The following IKZF4 variants were observed in gnomAD, a reference collection of about 807,000 sequenced individuals.
IKZF4 encodes the protein zinc finger protein Eos.
Under a neutral mutation model 47.7 loss-of-function variants are expected in IKZF4, and 11 were observed. That is an observed-to-expected ratio of 0.23 (90% CI 0.15 to 0.38). IKZF4 has a LOEUF of 0.38. IKZF4 is among the 10% of genes least tolerant of loss of function. The pLI is 1.00. For synonymous variants in IKZF4, 298 were observed against 299.4 expected (o/e 1.00, Z 0.05); for missense variants, 557 against 784.9 (o/e 0.71, Z 3.47).
At chr12:56,027,737 T>A (rs775249910) in intron 4 of IKZF4, 43 bp from the exon 5 acceptor site, 1 of 1,594,480 alleles carries the variant, frequency 6.3e-7, no homozygotes, top group Non-Finnish European at 8.6e-7. Context: ...ACCTTCAAAG[T>A]TCCTCACATG....
Position 56,032,583 on chromosome 12 carries a change from G to A in IKZF4, c.738G>A (p.Lys246=). 1.9e-6 allele frequency: 3 copies of A among 1,613,590 alleles called. No homozygotes were observed. The highest frequency in any genetic ancestry group is 1.7e-6 in the Non-Finnish European group (2 of 1,179,696). ...CAGTCTCCTCTCCCACAGTGGGCAA[G>A]CCCTACAAGTGTAACTACTGTGGCC... is the stretch of plus-strand genomic sequence containing the variant. ...THSVSSPTVG[K]PYKCNYCGRS... The change falls in exon 6 of 8, where the codon AAG becomes AAA. Residue 246 remains lysine, a synonymous_variant. Transcript: ENST00000547167.
intron 1 of IKZF4, chr12:56,010,338 T>A (rs951988850): frequency 2.6e-5 from 4 of 152,204 alleles, no homozygotes; most frequent in Non-Finnish European, 1.5e-5. Context: ...AGTGCTGATA[T>A]GAATGACCTG....
chr12:56,030,670 A>G (rs1416852495), intron 5 of IKZF4, among the ~76,000 whole-genome samples: 1 of 152,064 alleles, frequency 6.6e-6, no homozygotes, highest in Admixed American at 6.5e-5. Context: ...CAGAGGTTGC[A>G]GTAAGCCAAG....
intron 1 of IKZF4, among the ~76,000 whole-genome samples, chr12:56,022,956 T>G (rs943671736): frequency 6.6e-6 from 1 of 152,010 alleles, no homozygotes; most frequent in East Asian, 1.9e-4. Context: ...CCCGCTACCA[T>G]GCCCGGATAA....
intron 1 of IKZF4, among the ~76,000 whole-genome samples, chr12:56,023,000 C>T (rs1239474503): frequency 3.9e-5 from 6 of 152,124 alleles, no homozygotes; most frequent in Admixed American, 1.3e-4. Context: ...GGGGTTTCAC[C>T]GTGTTAGCCA....
intron 2 of IKZF4, among the ~76,000 whole-genome samples, chr12:56,012,552 C>T (rs1891466667): frequency 1.3e-5 from 2 of 151,760 alleles, no homozygotes; most frequent in Admixed American, 1.3e-4. Context: ...GGATTACAGG[C>T]GTGAGCCACC....
At chr12:56,020,177 C>G (rs1466268383), upstream of IKZF4, among the ~76,000 whole-genome samples, 4 of 152,224 alleles carry the variant, frequency 2.6e-5, no homozygotes, top group Non-Finnish European at 5.9e-5. Flanking sequence ...CTCATCAGGC[C>G]ACTTGATGAA....
At chr12:56,030,223 CA>C (rs759654978) in intron 5 of IKZF4, among the ~76,000 whole-genome samples, 1 of 150,346 alleles carries the variant, frequency 6.7e-6, no homozygotes, top group Non-Finnish European at 1.5e-5. Flanking sequence ...TGAGACCAGC[CA>C]GAGCAACATA....
At chr12:56,022,088 C>T (rs1411116116) in intron 1 of IKZF4, among the ~76,000 whole-genome samples, 13 of 152,102 alleles carry the variant, frequency 8.5e-5, no homozygotes, top group Non-Finnish European at 1.2e-4. Context: ...CCCTGGAGCC[C>T]GTGGTCAAGA....
intron 6 of IKZF4, 40 bp downstream of exon 6, chr12:56,032,750 T>C (rs766370606): frequency 6.2e-7 from 1 of 1,610,542 alleles, no homozygotes. Flanking sequence ...TAAAAGGGGA[T>C]GGTGAGAGGG....
intron 3 of IKZF4, 54 bp from the exon 4 acceptor site, chr12:56,026,727 G>GGAGCA: frequency 7.1e-7 from 1 of 1,412,680 alleles, no homozygotes; most frequent in Non-Finnish European, 9.3e-7. Flanking sequence ...TTCTGGCCTG[G>GGAGCA]GAGCAGCTTC....
At chr12:56,008,708 C>T (rs1256811095) in intron 1 of IKZF4, among the ~76,000 whole-genome samples, 1 of 130,150 alleles carries the variant, frequency 7.7e-6, no homozygotes, top group African/African-American at 2.8e-5. Context: ...GAGTTTCACT[C>T]TTGTTGCCCA....
intron 7 of IKZF4, 102 bp downstream of exon 7, chr12:56,033,423 G>A: frequency 6.8e-7 from 1 of 1,471,202 alleles, no homozygotes; most frequent in South Asian, 1.2e-5. Flanking sequence ...AAGCAGTCTG[G>A]TGGGCTGGGT....
In IKZF4 at chr12:56,035,102, C is replaced by T; in HGVS notation, c.1529C>T (p.Pro510Leu). Residue 510 changes from proline (P) to leucine (L), a missense_variant, in exon 8 of 8, where the codon CCA becomes CTA. Pro to Leu is a moderately conservative substitution (Grantham distance 98). Coordinates refer to ENST00000547167, the MANE Select transcript of IKZF4 (RefSeq NM_022465.4). This position sits in a 1 kb window ranked among gnomAD's most constrained non-coding sequence, Gnocchi z 6.1. ...KPQEGLLRGT[P>L]GPSKEVLRVV... Reference sequence around the variant, plus strand: ...CAGGAGGGGTTATTGCGGGGCACCCCAGGCCCCTCCAAGGAAGTGCTTCGG... The same window carrying T: ...CAGGAGGGGTTATTGCGGGGCACCCTAGGCCCCTCCAAGGAAGTGCTTCGG... 1 of 1,610,286 alleles carries T rather than the reference C, an allele frequency of 6.2e-7. No homozygotes were observed. Among genetic ancestry groups the T allele is most frequent in the Non-Finnish European group, 8.5e-7 (1 of 1,177,774 alleles).
rs375711219 is a variant in IKZF4, at chr12:56,033,333, G to A, written c.997+12G>A. On this transcript the variant is annotated intron_variant, in intron 7 of 7. Coordinates refer to ENST00000547167, the MANE Select transcript of IKZF4 (RefSeq NM_022465.4). ...CCAGAAGTTTGTAGGTAAGAATCCAGTTGGAAAGACGTATCAGCTTTAAGC... is the reference window on the plus strand; with the variant it reads ...CCAGAAGTTTGTAGGTAAGAATCCAATTGGAAAGACGTATCAGCTTTAAGC... 10 of 1,613,742 alleles carry A rather than the reference G, an allele frequency of 6.2e-6. No homozygotes were observed. The African/African-American group carries it at 1.1e-4, about 17-fold the overall frequency.
intron 5 of IKZF4, among the ~76,000 whole-genome samples, chr12:56,028,354 T>C (rs1211196478): frequency 1.3e-5 from 2 of 149,792 alleles, no homozygotes; most frequent in Non-Finnish European, 3.0e-5. Flanking sequence ...TGAAACCCTG[T>C]CTCTACTAAA....
At chr12:56,019,952 A>G (rs1183172027), upstream of IKZF4, among the ~76,000 whole-genome samples, 1 of 152,258 alleles carries the variant, frequency 6.6e-6, no homozygotes, top group Non-Finnish European at 1.5e-5. Flanking sequence ...CAGCTACCTT[A>G]GAAAGGGAAA....
chr12:56,033,084 T>G, intron 6 of IKZF4, 106 bp from the exon 7 acceptor site: 3 of 1,365,170 alleles, frequency 2.2e-6, no homozygotes, highest in Non-Finnish European at 3.0e-6. Context: ...GCAACTGGTA[T>G]GTCCTTCCTT....
Position 56,035,221 on chromosome 12 carries a change from G to A in IKZF4, c.1648G>A (p.Gly550Ser). The A allele has an allele frequency of 6.2e-7, 1 of 1,614,192 alleles. No individual in the cohort carries two copies. The highest frequency in any genetic ancestry group is 8.5e-7 in the Non-Finnish European group (1 of 1,180,040). Residue 550 changes from glycine (G) to serine (S), a missense_variant, in exon 8 of 8, where the codon GGC (glycine) becomes AGC (serine). This residue lies in a region of IKZF4 where 22 missense variants were observed against 65.2 expected (regional missense o/e 0.34). Coordinates refer to ENST00000547167, the MANE Select transcript of IKZF4 (RefSeq NM_022465.4). This position sits in a 1 kb window ranked among gnomAD's most constrained non-coding sequence, Gnocchi z 6.1. ...CCACGTCATGTTCACTATCCACATG[G>A]GCTGCCATGGCTTCAGAGACCCTTT... ...LDHVMFTIHM[G>S]CHGFRDPFEC...
Sources: allele counts gnomAD v4.1 joint callset (sites outside exome capture counted in the v4.1 genomes callset), GRCh38; gene constraint gnomAD v4.1.1; regional missense constraint gnomAD v4.1.1; non-coding constraint Gnocchi (gnomAD v3.1); transcripts MANE v1.5; gene names NCBI Gene and HGNC (gene_info 2026-07-23, HGNC 2026-07-21).